Variants in SLC13A3 observed in about 807,000 individuals in gnomAD.
The protein encoded by SLC13A3 is Na(+)/dicarboxylate cotransporter 3.
In SLC13A3, 40 loss-of-function variants were observed where a neutral mutation model predicts 59.0. The observed-to-expected ratio is 0.68, with a 90% CI of 0.53 to 0.88. SLC13A3 has a LOEUF of 0.88. Among genes scored for constraint, SLC13A3 ranks in the 40% least tolerant of loss-of-function variants. The pLI, the probability that SLC13A3 is intolerant of heterozygous loss-of-function variation, is 0.00. For missense variants in SLC13A3, 699 were observed against 783.2 expected, an observed-to-expected ratio of 0.89 and a Z score of 1.28; for synonymous variants, 317 against 330.3, an observed-to-expected ratio of 0.96 and a Z score of 0.44.
chr20:46,613,650 C>T lies in SLC13A3; in HGVS notation c.187G>A (p.Ala63Thr). 6.2e-7 allele frequency: 1 copy of T among 1,612,390 alleles called. No individual in the cohort carries two copies. The highest frequency in any genetic ancestry group is 8.5e-7 in the Non-Finnish European group (1 of 1,179,294). ...GGGAAGAGGACGATGGGCAGCAGCG[C>T]CGTCACTGAGAGCGGCAGGGCCTCC... ...CTEALPLSVT[A>T]LLPIVLFPFM... Residue 63 changes from alanine to threonine, a missense_variant, in exon 2 of 13, where the codon GCG becomes ACG. Ala to Thr is a moderately conservative substitution (Grantham distance 58, BLOSUM62 0). Coordinates refer to ENST00000279027, the MANE Select transcript of SLC13A3 (RefSeq NM_022829.6).
At chr20:46,644,137 C>T (rs2062871731) in intron 1 of SLC13A3, among the ~76,000 whole-genome samples, 1 of 152,190 alleles carries the variant, frequency 6.6e-6, no homozygotes, top group African/African-American at 2.4e-5. Context: ...CCGCCCTGCC[C>T]CTCACTGAAG....
upstream of SLC13A3, among the ~76,000 whole-genome samples, chr20:46,656,454 A>G (rs1187013156): frequency 1.1e-5 from 1 of 92,694 alleles, no homozygotes; most frequent in African/African-American, 4.1e-5. Flanking sequence ...ATTATACTGT[A>G]TATGATATAC....
intron 6 of SLC13A3, among the ~76,000 whole-genome samples, chr20:46,589,554 A>T (rs892933097): frequency 3.3e-5 from 5 of 152,250 alleles, no homozygotes; most frequent in Admixed American, 2.0e-4. Context: ...GAAAGTCTAG[A>T]CACAGACTCA....
chr20:46,561,660 G>GTT (rs11479853), intron 12 of SLC13A3, among the ~76,000 whole-genome samples: 1,887 of 140,436 alleles, frequency 0.013, 11 homozygotes, highest in African/African-American at 0.029. Flanking sequence ...GTTTTTTTTT[G>GTT]TTTTTTTTTT....
At chr20:46,675,403 TTC>T (rs1441330301) in intron 1 of SLC13A3, among the ~76,000 whole-genome samples, 8 of 146,552 alleles carry the variant, frequency 5.5e-5, no homozygotes, top group African/African-American at 1.6e-4. Flanking sequence ...CTAATTTTTT[TTC>T]TTTTTTTTTT....
intron 1 of SLC13A3, among the ~76,000 whole-genome samples, chr20:46,648,918 C>T (rs1049412520): frequency 4.1e-5 from 5 of 123,392 alleles, no homozygotes; most frequent in Non-Finnish European, 8.0e-5. Flanking sequence ...CTCTCTCTCA[C>T]ACACACACAC....
chr20:46,566,488 C>T, intron 10 of SLC13A3, 98 bp from the exon 11 acceptor site: 1 of 1,377,610 alleles, frequency 7.3e-7, no homozygotes, highest in African/African-American at 1.5e-5. Flanking sequence ...GACCATACCC[C>T]TTCCCAGATG....
chr20:46,632,199 T>C (rs1267326392), intron 1 of SLC13A3, among the ~76,000 whole-genome samples: 2 of 152,136 alleles, frequency 1.3e-5, no homozygotes, highest in African/African-American at 4.8e-5. Flanking sequence ...TGTCCAGGGC[T>C]GGGGCTATGA....
At chr20:46,561,134 A>G (rs1050073602) in intron 12 of SLC13A3, among the ~76,000 whole-genome samples, 2 of 152,212 alleles carry the variant, frequency 1.3e-5, no homozygotes, top group Non-Finnish European at 2.9e-5. Context: ...GGAAAGGCTC[A>G]TCAGAGACTC....
At chr20:46,623,988 C>G (rs1371346503) in intron 1 of SLC13A3, among the ~76,000 whole-genome samples, 1 of 152,162 alleles carries the variant, frequency 6.6e-6, no homozygotes, top group Non-Finnish European at 1.5e-5. Context: ...TGTCAAATGC[C>G]TACATCCTCT....
chr20:46,645,482 G>T (rs569307177), intron 1 of SLC13A3, among the ~76,000 whole-genome samples: 4 of 152,318 alleles, frequency 2.6e-5, no homozygotes, highest in East Asian at 1.9e-4. Flanking sequence ...AGGAGCTGGG[G>T]CTATCAGTCA....
intron 3 of SLC13A3, among the ~76,000 whole-genome samples, chr20:46,601,044 G>A (rs1414062695): frequency 1.3e-5 from 2 of 152,106 alleles, no homozygotes; most frequent in Admixed American, 1.3e-4. Flanking sequence ...CCGGCAGTAA[G>A]GAGGTGCTTG....
At chr20:46,612,054 G>A (rs1408109602) in intron 2 of SLC13A3, among the ~76,000 whole-genome samples, 6 of 116,374 alleles carry the variant, frequency 5.2e-5, no homozygotes, top group Admixed American at 1.8e-4. Flanking sequence ...AAAAATCCCT[G>A]ACATTTTCTC....
chr20:46,655,786 T>A (rs2062981550), upstream of SLC13A3, among the ~76,000 whole-genome samples: 1 of 144,834 alleles, frequency 6.9e-6, no homozygotes, highest in Non-Finnish European at 1.5e-5. Flanking sequence ...TATATATGCC[T>A]TCAGTATATA....
At chr20:46,666,939 A>G (rs2063065697) in intron 1 of SLC13A3, among the ~76,000 whole-genome samples, 1 of 152,152 alleles carries the variant, frequency 6.6e-6, no homozygotes, top group Non-Finnish European at 1.5e-5. Context: ...AGTACGTGAC[A>G]ATGGCAAAAT....
intron 3 of SLC13A3, among the ~76,000 whole-genome samples, chr20:46,604,670 G>C (rs1269748510): frequency 6.6e-6 from 1 of 152,076 alleles, no homozygotes; most frequent in Non-Finnish European, 1.5e-5. Flanking sequence ...CCTGGAGCTG[G>C]CCCTGTTGAC....
chr20:46,562,965 G>A (rs532339363), intron 12 of SLC13A3, among the ~76,000 whole-genome samples: 1 of 152,346 alleles, frequency 6.6e-6, no homozygotes, highest in Non-Finnish European at 1.5e-5. Flanking sequence ...AGCTGGTTCA[G>A]CAGGGACCTT....
rs191323703 is a variant in SLC13A3 at position 46,675,844 on chromosome 20, C to T, written c.-31+8552G>A. 937 of 152,424 alleles carry T rather than the reference C, an allele frequency of 6.1e-3. 3 individuals carry two copies. Among genetic ancestry groups the T allele is most frequent in the Middle Eastern group, 0.01 (3 of 294 alleles). 9.4% of individuals were successfully genotyped at this position (152,424 alleles called of 1,614,324 possible). Reference sequence around the variant, plus strand: ...ACCATGAGAGGCAACTGCAGGGGTTCAGGCAAAAGATCACATGGCCTACGC... The same window carrying T: ...ACCATGAGAGGCAACTGCAGGGGTTTAGGCAAAAGATCACATGGCCTACGC... On this transcript the variant is annotated intron_variant, in intron 1 of 6. Transcript: ENST00000372121.
chr20:46,648,404 G>A (rs568385429), intron 1 of SLC13A3, among the ~76,000 whole-genome samples: 1 of 152,260 alleles, frequency 6.6e-6, no homozygotes, highest in East Asian at 1.9e-4. Context: ...TGTTATATGG[G>A]AGAGGAGGCT....
Sources: gnomAD v4.1 joint callset for allele counts (sites outside exome capture counted in the v4.1 genomes callset) on GRCh38, gnomAD v4.1.1 for gene constraint, MANE v1.5 for transcripts, NCBI Gene and HGNC (gene_info 2026-07-23, HGNC 2026-07-21) for gene names.